Variants in VPS13B observed in about 807,000 individuals in gnomAD.
VPS13B encodes the protein intermembrane lipid transfer protein VPS13B.
VPS13B carries 285 observed loss-of-function variants against 426.4 expected under a neutral mutation model. The observed-to-expected ratio is 0.67, with a 90% CI of 0.61 to 0.74. The LOEUF (loss-of-function observed/expected upper bound fraction) is 0.74, where lower values mean the gene tolerates loss of function less well. VPS13B is among the 30% of genes least tolerant of loss of function. VPS13B has a pLI of 0.00. For synonymous variants in VPS13B, 1,676 were observed against 1,676.4 expected (o/e 1.00, Z 0.01); for missense variants, 4,537 against 4,782.6 (o/e 0.95, Z 1.51).
intron 25 of VPS13B, among the ~76,000 whole-genome samples, chr8:99,487,230 G>A (rs1820360448): frequency 6.6e-6 from 1 of 152,000 alleles, no homozygotes; most frequent in South Asian, 2.1e-4. Context: ...GAAAAGATAT[G>A]TAGCACTTTT....
At chr8:99,049,237 AT>A (rs780411801) in intron 3 of VPS13B, among the ~76,000 whole-genome samples, 2 of 144,654 alleles carry the variant, frequency 1.4e-5, no homozygotes, top group Non-Finnish European at 3.0e-5. Context: ...TTCAAATTGT[AT>A]TTTTGTTTTA....
intron 19 of VPS13B, among the ~76,000 whole-genome samples, chr8:99,372,693 G>A (rs1813258811): frequency 6.6e-6 from 1 of 152,180 alleles, no homozygotes; most frequent in African/African-American, 2.4e-5. Context: ...TGGAGAAATA[G>A]GAACACTTTT....
At chr8:99,705,283 A>ATAAGTAAATTGG (rs1832454581) in intron 36 of VPS13B, among the ~76,000 whole-genome samples, 1 of 152,194 alleles carries the variant, frequency 6.6e-6, no homozygotes, top group Admixed American at 6.5e-5. Context: ...AATAAGAAGA[A>ATAAGTAAATTGG]CAAGTAAAAT....
intron 35 of VPS13B, among the ~76,000 whole-genome samples, chr8:99,685,872 A>G (rs547532534): frequency 4.4e-4 from 67 of 152,172 alleles, no homozygotes; most frequent in Non-Finnish European, 6.0e-4. Flanking sequence ...TTGTTTGGTG[A>G]GGTCATGTTT....
intron 19 of VPS13B, among the ~76,000 whole-genome samples, chr8:99,348,566 ACTAT>A (rs1811674050): frequency 1.3e-5 from 2 of 152,200 alleles, no homozygotes; most frequent in Admixed American, 1.3e-4. Flanking sequence ...ATTTAAAACA[ACTAT>A]CTATTCTAAA....
chr8:99,575,784 G>A lies in VPS13B; in HGVS notation c.5076G>A (p.Glu1692=), dbSNP rs759630411. Residue 1692 remains glutamate (E), a splice_region_variant and synonymous_variant, in exon 32 of 62, where the codon GAG becomes GAA. Coordinates refer to ENST00000357162, the MANE Select transcript of VPS13B (RefSeq NM_152564.5). ...KVVSPENLHT[E]EILVCGHSLE... ...TTTCTCCAGAAAATTTGCATACTGA[G>A]GTTAGAACATAATTTTGATTTTATT... 2.5e-6 allele frequency: 4 copies of A among 1,613,116 alleles called. No individual in the cohort carries two copies. Among genetic ancestry groups the A allele is most frequent in the Non-Finnish European group, 3.4e-6 (4 of 1,179,498 alleles).
intron 50 of VPS13B, among the ~76,000 whole-genome samples, chr8:99,823,246 G>T (rs568731363): frequency 4.6e-5 from 7 of 152,128 alleles, no homozygotes; most frequent in Non-Finnish European, 8.8e-5. Flanking sequence ...GTAAAATGGG[G>T]TTAATAATAG....
intron 43 of VPS13B, among the ~76,000 whole-genome samples, chr8:99,785,735 A>G (rs1357126879): frequency 2.0e-5 from 3 of 152,162 alleles, no homozygotes; most frequent in Non-Finnish European, 4.4e-5. Flanking sequence ...GAGAGCATAC[A>G]GGTATACTGA....
intron 2 of VPS13B, among the ~76,000 whole-genome samples, chr8:99,036,892 T>C (rs900172274): frequency 6.6e-6 from 1 of 152,178 alleles, no homozygotes; most frequent in African/African-American, 2.4e-5. Context: ...ATTATAGTGG[T>C]TAATTGCCAT....
At chr8:99,399,614 A>G (rs1814926101) in intron 21 of VPS13B, among the ~76,000 whole-genome samples, 2 of 152,174 alleles carry the variant, frequency 1.3e-5, no homozygotes, top group Non-Finnish European at 2.9e-5. Flanking sequence ...CGGTCATCTC[A>G]TGACAATCTT....
At chr8:99,233,019 CTGT>C (rs1588160070) in intron 17 of VPS13B, 6 of 900,636 alleles carry the variant, frequency 6.7e-6, no homozygotes, top group Non-Finnish European at 1.1e-5. Context: ...CTCCATTCAT[CTGT>C]TGTTTTGCTG....
At chr8:99,392,894 A>G (rs775517236) in intron 21 of VPS13B, among the ~76,000 whole-genome samples, 1 of 152,132 alleles carries the variant, frequency 6.6e-6, no homozygotes, top group Admixed American at 6.5e-5. Flanking sequence ...TTTGTATCAC[A>G]AAAAGATTAT....
At chr8:99,403,488 G>T (rs1815156610) in intron 21 of VPS13B, among the ~76,000 whole-genome samples, 2 of 150,046 alleles carry the variant, frequency 1.3e-5, no homozygotes, top group Admixed American at 1.3e-4. Context: ...GGCAGAGGTT[G>T]TAGTGAGCCG....
chr8:99,040,221 A>T (rs917880600), intron 3 of VPS13B, among the ~76,000 whole-genome samples: 1 of 152,198 alleles, frequency 6.6e-6, no homozygotes, highest in Non-Finnish European at 1.5e-5. Context: ...GCAGAAAAAG[A>T]CTTGTAACAC....
intron 3 of VPS13B, among the ~76,000 whole-genome samples, chr8:99,053,129 ATTAT>A (rs1242665520): frequency 9.3e-5 from 14 of 150,896 alleles, no homozygotes; most frequent in Middle Eastern, 3.4e-3. Context: ...TAATTATTTA[ATTAT>A]TTATTTATTT....
At chr8:99,577,907 A>G in intron 33 of VPS13B, 1 of 421,036 alleles carries the variant, frequency 2.4e-6, no homozygotes, top group Non-Finnish European at 4.4e-6. Context: ...TAGCCTGCTG[A>G]AGTTCTAAAG....
intron 41 of VPS13B, 117 bp from the exon 42 acceptor site, chr8:99,778,565 A>G: frequency 1.1e-6 from 1 of 904,416 alleles, no homozygotes. Context: ...TTTATTAAAC[A>G]CCAAAAACTA....
intron 22 of VPS13B, among the ~76,000 whole-genome samples, chr8:99,439,322 A>C (rs1286883046): frequency 6.6e-6 from 1 of 152,162 alleles, no homozygotes; most frequent in Non-Finnish European, 1.5e-5. Flanking sequence ...GTTTGACTTC[A>C]TAAAGTTTAT....
rs765932664 is a variant in VPS13B at position 99,766,779 on chromosome 8, T to G, written c.7056T>G (p.Pro2352=). Residue 2352 remains proline (P), a synonymous_variant, in exon 40 of 62, where the codon CCT becomes CCG. Coordinates refer to ENST00000357162, the MANE Select transcript of VPS13B (RefSeq NM_152564.5). ...TTTTTTTTATTTTAACATAGGTTCC[T>G]TGTAGCTTGGAATACTGGGATGAAC... ...TADLGDVLQV[P]CSLEYWDELQ... 6 of 1,613,496 alleles carry G rather than the reference T, an allele frequency of 3.7e-6. No homozygotes were observed. Among genetic ancestry groups the G allele is most frequent in the Non-Finnish European group, 4.2e-6 (5 of 1,179,846 alleles).
Sources: allele counts gnomAD v4.1 joint callset (sites outside exome capture counted in the v4.1 genomes callset), GRCh38; gene constraint gnomAD v4.1.1; transcripts MANE v1.5; gene names NCBI Gene and HGNC (gene_info 2026-07-23, HGNC 2026-07-21).